MBD5: variants seen among roughly 807,000 people sequenced by gnomAD.
MBD5 encodes the protein methyl-CpG-binding domain protein 5.
Under a neutral mutation model 117.3 loss-of-function variants are expected in MBD5, and 13 were observed. The ratio of observed to expected loss-of-function variants is 0.11; its 90% CI spans 0.07 to 0.18. The LOEUF is 0.18. MBD5 is among the 10% of genes least tolerant of loss of function. The pLI is 1.00. For missense variants in MBD5, 1,879 were observed against 2,093.8 expected, an observed-to-expected ratio of 0.90 and a Z score of 2.00; for synonymous variants, 727 against 766.4, an observed-to-expected ratio of 0.95 and a Z score of 0.85.
At chr2:148,213,095 C>T (rs1215683641) in intron 2 of MBD5, among the ~76,000 whole-genome samples, 1 of 152,028 alleles carries the variant, frequency 6.6e-6, no homozygotes, top group Non-Finnish European at 1.5e-5. Flanking sequence ...CAGGAACTGC[C>T]GTTTTTCTCT....
At chr2:148,482,501 A>G (rs1023030622) in intron 8 of MBD5, among the ~76,000 whole-genome samples, 14 of 151,968 alleles carry the variant, frequency 9.2e-5, no homozygotes, top group African/African-American at 2.4e-4. Flanking sequence ...GCATATGTGT[A>G]TATATATATG....
chr2:148,224,837 G>C (rs1051129001), intron 2 of MBD5, among the ~76,000 whole-genome samples: 1 of 151,746 alleles, frequency 6.6e-6, no homozygotes. Flanking sequence ...CTCTCTTATA[G>C]TTTTTGACTA....
chr2:148,500,217 A>AT (rs912293392), intron 11 of MBD5, among the ~76,000 whole-genome samples: 6 of 152,134 alleles, frequency 3.9e-5, no homozygotes, highest in African/African-American at 1.4e-4. Flanking sequence ...TTGTAGAAAT[A>AT]TAATTTTAAA....
At chr2:148,373,603 A>G (rs901537054) in intron 4 of MBD5, among the ~76,000 whole-genome samples, 2 of 151,446 alleles carry the variant, frequency 1.3e-5, no homozygotes. Context: ...TTAATAGTAC[A>G]TATGTGGCAT....
intron 3 of MBD5, among the ~76,000 whole-genome samples, chr2:148,281,898 C>T (rs1432984348): frequency 6.6e-6 from 1 of 152,110 alleles, no homozygotes; most frequent in African/African-American, 2.4e-5. Flanking sequence ...AGTCTTTTGC[C>T]AGGTGGTTCT....
At chr2:148,039,396 G>A (rs1694295547) in intron 1 of MBD5, among the ~76,000 whole-genome samples, 1 of 152,100 alleles carries the variant, frequency 6.6e-6, no homozygotes, top group Non-Finnish European at 1.5e-5. Flanking sequence ...AGTTCGTAAA[G>A]TAAATGGTGA....
chr2:148,426,183 T>C (rs1282885378), intron 4 of MBD5, among the ~76,000 whole-genome samples: 1 of 152,240 alleles, frequency 6.6e-6, no homozygotes, highest in Admixed American at 6.5e-5. Flanking sequence ...CATTCCGTGC[T>C]CATGGGTAGG....
intron 1 of MBD5, among the ~76,000 whole-genome samples, chr2:148,103,184 C>A (rs933921646): frequency 6.6e-5 from 10 of 151,918 alleles, no homozygotes; most frequent in African/African-American, 2.4e-4. Flanking sequence ...TTTATTGTTC[C>A]CAAGCCAAAG....
chr2:148,199,119 G>C (rs1012646171), intron 2 of MBD5, among the ~76,000 whole-genome samples: 5 of 151,986 alleles, frequency 3.3e-5, no homozygotes, highest in African/African-American at 1.2e-4. Context: ...GAAAACTCTC[G>C]GGCAGGAGCT....
intron 2 of MBD5, among the ~76,000 whole-genome samples, chr2:148,217,254 C>T (rs1699580574): frequency 6.6e-6 from 1 of 152,130 alleles, no homozygotes; most frequent in Admixed American, 6.5e-5. Context: ...TGGGAGGGAT[C>T]CTCTGCTTTA....
At chr2:148,047,865 T>C (rs1694575868) in intron 1 of MBD5, among the ~76,000 whole-genome samples, 1 of 152,326 alleles carries the variant, frequency 6.6e-6, no homozygotes, top group Non-Finnish European at 1.5e-5. Flanking sequence ...GAGAACAGCA[T>C]GTGCAAAGAC....
At chr2:148,308,491 C>CTTTTTTTTTTTTTTT (rs60650324) in intron 3 of MBD5, among the ~76,000 whole-genome samples, 1 of 66,772 alleles carries the variant, frequency 1.5e-5, no homozygotes, top group Non-Finnish European at 3.1e-5. Context: ...GGGGTTCTTT[C>CTTTTTTTTTTTTTTT]TTTTTTTTTT....
intron 3 of MBD5, among the ~76,000 whole-genome samples, chr2:148,329,951 T>G (rs1420866236): frequency 2.6e-5 from 4 of 151,624 alleles, no homozygotes; most frequent in African/African-American, 9.7e-5. Flanking sequence ...TTTATATCTA[T>G]CATATCAGTT....
At chr2:148,467,295 G>A (rs2105612206) in intron 7 of MBD5, among the ~76,000 whole-genome samples, 1 of 152,296 alleles carries the variant, frequency 6.6e-6, no homozygotes, top group Non-Finnish European at 1.5e-5. Context: ...GAATTCTGAT[G>A]TGATAGAATG....
chr2:148,508,025 A>G (rs1682095453), intron 12 of MBD5, among the ~76,000 whole-genome samples: 1 of 152,186 alleles, frequency 6.6e-6, no homozygotes, highest in Non-Finnish European at 1.5e-5. Context: ...AGTGAGGATA[A>G]ATTTATTTAA....
chr2:148,081,951 A>G lies in MBD5; in HGVS notation c.-925+60267A>G, dbSNP rs73007145. Reference sequence around the variant, plus strand: ...AAGTAATCTTGCCCATAGCTAATACACTTATTATTTCCTTTTATTCACTTC... The same window carrying G: ...AAGTAATCTTGCCCATAGCTAATACGCTTATTATTTCCTTTTATTCACTTC... On this transcript the variant is annotated intron_variant, in intron 1 of 13. Coordinates refer to ENST00000642680, the MANE Select transcript of MBD5 (RefSeq NM_001378120.1). Among the ~76,000 whole-genome samples the G allele has an allele frequency of 5.9e-3, 900 of 152,242 alleles. 9 individuals are homozygous for G. Among genetic ancestry groups the G allele is most frequent in the African/African-American group, 0.021 (866 of 41,546 alleles).
chr2:148,384,192 G>A (rs1416407404), intron 4 of MBD5, among the ~76,000 whole-genome samples: 1 of 152,134 alleles, frequency 6.6e-6, no homozygotes, highest in Non-Finnish European at 1.5e-5. Context: ...CAGATGACAT[G>A]ATTGTATATC....
intron 2 of MBD5, among the ~76,000 whole-genome samples, chr2:148,213,139 T>C (rs1699468391): frequency 1.3e-5 from 2 of 152,222 alleles, no homozygotes. Flanking sequence ...CAAAGAGTTG[T>C]ACTCATCTCT....
intron 8 of MBD5, chr2:148,470,915 G>C (rs541540331): frequency 3.1e-5 from 5 of 160,964 alleles, no homozygotes; most frequent in African/African-American, 1.2e-4. Context: ...TCTTGCTGCT[G>C]AACAGAAGTA....
Sources: gnomAD v4.1 joint callset for allele counts (sites outside exome capture counted in the v4.1 genomes callset) on GRCh38, gnomAD v4.1.1 for gene constraint, MANE v1.5 for transcripts, NCBI Gene and HGNC (gene_info 2026-07-23, HGNC 2026-07-21) for gene names.